Variants in VWC2L observed in about 807,000 individuals in gnomAD.
The protein encoded by VWC2L is von Willebrand factor C domain-containing protein 2-like.
In VWC2L, 10 loss-of-function variants were observed where a neutral mutation model predicts 21.6. The ratio of observed to expected loss-of-function variants is 0.46; its 90% confidence interval spans 0.29 to 0.78. The LOEUF is 0.78. Among genes scored for constraint, VWC2L ranks in the 30% least tolerant of loss-of-function variants. The probability of loss-of-function intolerance (pLI) is 0.10; values close to 1 mark genes in which losing one functional copy is unlikely to be tolerated. For synonymous variants in VWC2L, 96 were observed against 94.3 expected (o/e 1.02, Z -0.10); for missense variants, 209 against 277.1 (o/e 0.75, Z 1.74).
intron 3 of VWC2L, among the ~76,000 whole-genome samples, chr2:214,438,981 G>T (rs907204794): frequency 1.4e-4 from 21 of 151,940 alleles, no homozygotes; most frequent in Middle Eastern, 3.2e-3. Flanking sequence ...TCTTAAATAA[G>T]GGAAATGAAT....
At chr2:214,492,585 G>A (rs577511971) in intron 3 of VWC2L, among the ~76,000 whole-genome samples, 4 of 152,152 alleles carry the variant, frequency 2.6e-5, no homozygotes, top group Non-Finnish European at 4.4e-5. Context: ...GATTGGTGAG[G>A]ACGTTAAAAT....
intron 3 of VWC2L, among the ~76,000 whole-genome samples, chr2:214,510,967 T>A (rs535772585): frequency 6.6e-6 from 1 of 152,162 alleles, no homozygotes; most frequent in Non-Finnish European, 1.5e-5. Flanking sequence ...TCCACCAACA[T>A]AACACTTTGA....
At chr2:214,545,270 T>G (rs976490350) in intron 3 of VWC2L, among the ~76,000 whole-genome samples, 3 of 152,194 alleles carry the variant, frequency 2.0e-5, no homozygotes, top group Non-Finnish European at 4.4e-5. Flanking sequence ...ATGTGTTATA[T>G]CCGCGTGCAC....
chr2:214,456,922 G>C (rs1042912550), intron 3 of VWC2L, among the ~76,000 whole-genome samples: 2 of 151,952 alleles, frequency 1.3e-5, no homozygotes, highest in Non-Finnish European at 2.9e-5. Context: ...ATTATGTTCT[G>C]TTGGTCTGTG....
intron 3 of VWC2L, among the ~76,000 whole-genome samples, chr2:214,437,170 T>C (rs1702690232): frequency 6.6e-6 from 1 of 152,118 alleles, no homozygotes; most frequent in African/African-American, 2.4e-5. Context: ...TGAATGTAGA[T>C]AAGACCTTAG....
chr2:214,421,883 A>ATTTTT (rs1574555783), intron 2 of VWC2L, among the ~76,000 whole-genome samples: 18 of 88,346 alleles, frequency 2.0e-4, no homozygotes, highest in East Asian at 2.8e-4. Flanking sequence ...TATTTCCTAC[A>ATTTTT]TCTTTTTTTT....
intron 2 of VWC2L, among the ~76,000 whole-genome samples, chr2:214,432,179 A>T (rs1332971686): frequency 6.6e-6 from 1 of 152,246 alleles, no homozygotes; most frequent in African/African-American, 2.4e-5. Context: ...CATAGATTAT[A>T]CATAAATGAT....
At chr2:214,463,006 T>G (rs2126189427) in intron 3 of VWC2L, among the ~76,000 whole-genome samples, 1 of 152,350 alleles carries the variant, frequency 6.6e-6, no homozygotes, top group South Asian at 2.1e-4. Context: ...ACTCAAATTT[T>G]TACATGTATT....
chr2:214,573,958 T>C (rs1481810970), intron 3 of VWC2L, among the ~76,000 whole-genome samples: 1 of 152,124 alleles, frequency 6.6e-6, no homozygotes, highest in African/African-American at 2.4e-5. Context: ...CTGCCCAACA[T>C]GGTGAAACCT....
rs182760236 is a variant in VWC2L, at chr2:214,443,984, G to A, written c.520+7226G>A. 5.3e-5 allele frequency among the ~76,000 whole-genome samples: 8 copies of A among 151,916 alleles called. No individual in the cohort carries two copies. In the South Asian group the frequency reaches 8.3e-4, roughly 16 times the overall value. On this transcript the variant is annotated intron_variant, in intron 3 of 3. Transcript: ENST00000312504. ...AAGCAAGAGAATTTAGTAAGATAAC[G>A]GTACAAAATGAACGTGCAGATGTCA...
At chr2:214,494,623 C>T (rs533763920) in intron 3 of VWC2L, among the ~76,000 whole-genome samples, 1 of 152,278 alleles carries the variant, frequency 6.6e-6, no homozygotes, top group East Asian at 1.9e-4. Context: ...TTCAGATCAT[C>T]TTTATTTATC....
intron 2 of VWC2L, among the ~76,000 whole-genome samples, chr2:214,416,500 A>G (rs1702358185): frequency 6.6e-6 from 1 of 152,092 alleles, no homozygotes; most frequent in Non-Finnish European, 1.5e-5. Context: ...ACAAGAATTT[A>G]GAGTCATAAA....
At chr2:214,425,233 C>T (rs1003183264) in intron 2 of VWC2L, among the ~76,000 whole-genome samples, 2 of 152,196 alleles carry the variant, frequency 1.3e-5, no homozygotes, top group Non-Finnish European at 2.9e-5. Flanking sequence ...TCACCAAATC[C>T]TTCTAACTTG....
chr2:214,503,730 G>GA (rs5838438), intron 3 of VWC2L, among the ~76,000 whole-genome samples: 26,859 of 143,012 alleles, frequency 0.19, 2,627 homozygotes, highest in East Asian at 0.28. Flanking sequence ...CCAGAAATGA[G>GA]AAAAAAAAAA....
intron 3 of VWC2L, among the ~76,000 whole-genome samples, chr2:214,500,190 A>T (rs1323882680): frequency 6.6e-6 from 1 of 152,250 alleles, no homozygotes; most frequent in Admixed American, 6.5e-5. Flanking sequence ...CCTAAACGGC[A>T]TCATCTATCT....
chr2:214,470,203 T>C (rs1703283459), intron 3 of VWC2L, among the ~76,000 whole-genome samples: 1 of 149,764 alleles, frequency 6.7e-6, no homozygotes, highest in South Asian at 2.1e-4. Flanking sequence ...AAATCATTTT[T>C]GATAAATGCT....
chr2:214,569,322 AACACACACACACAG>A (rs970038938), intron 3 of VWC2L, among the ~76,000 whole-genome samples: 3 of 151,614 alleles, frequency 2.0e-5, no homozygotes, highest in Admixed American at 6.6e-5. Context: ...ATTTCATGGT[AACACACACACACAG>A]ACACACACAC....
At chr2:214,447,611 T>C (rs1475078240) in intron 3 of VWC2L, among the ~76,000 whole-genome samples, 7 of 152,020 alleles carry the variant, frequency 4.6e-5, no homozygotes, top group Non-Finnish European at 8.8e-5. Context: ...CTGACAAAAA[T>C]AAAAACAAAG....
intron 3 of VWC2L, among the ~76,000 whole-genome samples, chr2:214,556,942 A>T (rs1689882043): frequency 6.6e-6 from 1 of 152,184 alleles, no homozygotes; most frequent in Non-Finnish European, 1.5e-5. Context: ...TCCTCAGCAC[A>T]TGGTGTGCAT....
Sources: allele counts gnomAD v4.1 joint callset (sites outside exome capture counted in the v4.1 genomes callset), GRCh38; gene constraint gnomAD v4.1.1; transcripts MANE v1.5; gene names NCBI Gene and HGNC (gene_info 2026-07-23, HGNC 2026-07-21).